The following CAMK4 variants were observed in gnomAD, a reference collection of about 807,000 sequenced individuals.
CAMK4 encodes the protein calcium/calmodulin-dependent protein kinase type IV.
In CAMK4, 22 loss-of-function variants were observed where a neutral mutation model predicts 44.9. The ratio of observed to expected loss-of-function variants is 0.49; its 90% CI spans 0.35 to 0.70. CAMK4 has a LOEUF of 0.70. Ranked by LOEUF, CAMK4 falls within the 30% of genes least tolerant of loss-of-function variation. The pLI is 0.01. For synonymous variants in CAMK4, 218 were observed against 215.4 expected, an observed-to-expected ratio of 1.01 and a Z score of -0.11; for missense variants, 498 against 586.8, an observed-to-expected ratio of 0.85 and a Z score of 1.56.
At chr5:111,267,996 C>CTGTCA (rs915484670) in intron 1 of CAMK4, among the ~76,000 whole-genome samples, 26 of 152,152 alleles carry the variant, frequency 1.7e-4, no homozygotes, top group African/African-American at 5.6e-4. Flanking sequence ...ATACTTGAGG[C>CTGTCA]TGTCAGTGTT....
At chr5:111,467,373 CAAAAAAAAAAAAAAA>C (rs34201915) in intron 7 of CAMK4, among the ~76,000 whole-genome samples, 1 of 49,506 alleles carries the variant, frequency 2.0e-5, no homozygotes, top group East Asian at 6.5e-4. Context: ...TTCTGCATAG[CAAAAAAAAAAAAAAA>C]AAAAAAAAAG....
At chr5:111,343,552 G>C (rs565146896) in intron 1 of CAMK4, among the ~76,000 whole-genome samples, 1 of 151,874 alleles carries the variant, frequency 6.6e-6, no homozygotes, top group South Asian at 2.1e-4. Context: ...ACGTTAAAAA[G>C]TAGGAGGGGT....
In CAMK4 at chr5:111,484,521, T is replaced by C; in HGVS notation, c.*55T>C. The C allele has an allele frequency of 1.6e-6, 2 of 1,283,634 alleles. No homozygotes were observed. The highest frequency in any genetic ancestry group is 5.0e-5 in the Admixed American group (2 of 39,710). The allele number at this position is 1,283,634 out of a possible 1,614,324, so 79.5% of individuals were successfully genotyped here. Reference sequence around the variant, plus strand: ...ACCGGCATTTTATGTACTTTGTCCTTCAGCAAGAAAGGTGTGGAAGCATGA... The same window carrying C: ...ACCGGCATTTTATGTACTTTGTCCTCCAGCAAGAAAGGTGTGGAAGCATGA... On this transcript the variant is annotated 3_prime_UTR_variant, in exon 11 of 11. Transcript: ENST00000282356. This position sits in a 1 kb window ranked among gnomAD's most constrained non-coding sequence, Gnocchi z 5.3.
At chr5:111,238,808 CTTTTTTTTTTTTT>C (rs57552178) in intron 1 of CAMK4, among the ~76,000 whole-genome samples, 4 of 45,892 alleles carry the variant, frequency 8.7e-5, no homozygotes, top group African/African-American at 1.8e-4. Flanking sequence ...AGAGGCTCTT[CTTTTTTTTTTTTT>C]TTTTTTTTTT....
At chr5:111,351,642 C>G (rs1203135900) in intron 2 of CAMK4, among the ~76,000 whole-genome samples, 2 of 151,390 alleles carry the variant, frequency 1.3e-5, no homozygotes, top group Non-Finnish European at 2.9e-5. Context: ...GAACTCCTGA[C>G]CTCAGGTGAT....
intron 1 of CAMK4, among the ~76,000 whole-genome samples, chr5:111,236,170 TC>T (rs761076857): frequency 9.9e-5 from 15 of 152,162 alleles, no homozygotes; most frequent in Admixed American, 3.9e-4. Context: ...TTAATATTAT[TC>T]CCCACACAGG....
chr5:111,257,602 C>T (rs187566939), intron 1 of CAMK4, among the ~76,000 whole-genome samples: 27 of 152,224 alleles, frequency 1.8e-4, no homozygotes, highest in African/African-American at 6.0e-4. Flanking sequence ...TCCTCAAAGA[C>T]CTGCAACCAG....
intron 5 of CAMK4, among the ~76,000 whole-genome samples, chr5:111,410,103 T>A (rs1752577921): frequency 6.6e-6 from 1 of 152,192 alleles, no homozygotes; most frequent in Non-Finnish European, 1.5e-5. Flanking sequence ...TGGGTATCTT[T>A]ACAGAAGTGC....
intron 2 of CAMK4, 79 bp from the exon 3 acceptor site, chr5:111,374,771 A>G (rs1476928776): frequency 1.2e-6 from 1 of 844,822 alleles, no homozygotes; most frequent in Non-Finnish European, 2.0e-6. Flanking sequence ...TCACCCAGGT[A>G]GTTATTGCTG....
intron 5 of CAMK4, among the ~76,000 whole-genome samples, 156 bp downstream of exon 5, chr5:111,394,938 G>T (rs79764205): frequency 0.034 from 5,247 of 152,196 alleles, 113 homozygotes; most frequent in South Asian, 0.066. Context: ...GGTGGGCATG[G>T]TGGCTCAAGC....
intron 5 of CAMK4, among the ~76,000 whole-genome samples, chr5:111,436,715 T>C (rs923802377): frequency 1.3e-5 from 2 of 152,220 alleles, no homozygotes; most frequent in African/African-American, 2.4e-5. Context: ...GCTAGGTACA[T>C]CACTACTTCT....
At chr5:111,435,358 A>G (rs1820666) in intron 5 of CAMK4, among the ~76,000 whole-genome samples, 41,474 of 151,866 alleles carry the variant, frequency 0.27, 5,991 homozygotes, top group Non-Finnish European at 0.32. Context: ...CATTCCAAAT[A>G]TCTACTCTTA....
chr5:111,381,008 A>G (rs531818047), intron 4 of CAMK4, among the ~76,000 whole-genome samples: 8 of 152,232 alleles, frequency 5.3e-5, no homozygotes, highest in Non-Finnish European at 8.8e-5. Flanking sequence ...CAGACCCTCA[A>G]TGTCAACTTC....
intron 1 of CAMK4, among the ~76,000 whole-genome samples, chr5:111,301,081 T>TC (rs1239143163): frequency 6.6e-6 from 1 of 152,104 alleles, no homozygotes; most frequent in East Asian, 1.9e-4. Flanking sequence ...CTTACTGGTT[T>TC]TTTTTTTTCA....
intron 1 of CAMK4, among the ~76,000 whole-genome samples, chr5:111,338,137 G>C (rs1749486163): frequency 6.6e-6 from 1 of 151,016 alleles, no homozygotes; most frequent in Non-Finnish European, 1.5e-5. Flanking sequence ...TATTTTTATA[G>C]TGTAAATATG....
rs185722971 is a variant in CAMK4, at chr5:111,376,258, T to C, written c.304-602T>C. On this transcript the variant is annotated intron_variant, in intron 3 of 10. Coordinates refer to ENST00000282356, the MANE Select transcript of CAMK4 (RefSeq NM_001744.6). ...CCTGGCTACTAGATTCTCGTATATA[T>C]GGAGAAAAATATATAAAACTGCTTG... Among the ~76,000 whole-genome samples the C allele has an allele frequency of 3.4e-4, 52 of 152,080 alleles. 1 individual carries two copies. The highest frequency in any genetic ancestry group is 6.6e-4 in the Non-Finnish European group (45 of 67,978).
chr5:111,246,296 G>A (rs1216693759), intron 1 of CAMK4, among the ~76,000 whole-genome samples: 1 of 152,104 alleles, frequency 6.6e-6, no homozygotes, highest in Non-Finnish European at 1.5e-5. Context: ...CCCCCAAGAA[G>A]GGCTTTCTGT....
intron 1 of CAMK4, among the ~76,000 whole-genome samples, chr5:111,232,638 T>C (rs1190151284): frequency 6.6e-6 from 1 of 151,972 alleles, no homozygotes; most frequent in Non-Finnish European, 1.5e-5. Context: ...AAAGTAACCA[T>C]TGTGAGAGAA....
rs1319184634 is a variant in CAMK4, at chr5:111,486,431, CTTT to C, written c.*1966_*1968del. ...TATTTTTAACCTTTAAGAATGTCTT[CTTT>C]GTTAAGCATTAAGATTTCCATTTAA... On this transcript the variant is annotated 3_prime_UTR_variant, in exon 11 of 11. Coordinates refer to ENST00000282356, the MANE Select transcript of CAMK4 (RefSeq NM_001744.6). The C allele has an allele frequency of 6.6e-6, 1 of 150,546 alleles. No homozygotes were observed. The highest frequency in any genetic ancestry group is 2.4e-5 in the African/African-American group (1 of 40,936). The allele number at this position is 150,546 out of a possible 1,614,324, so 9.3% of individuals were successfully genotyped here.
Sources: gnomAD v4.1 joint callset for allele counts (sites outside exome capture counted in the v4.1 genomes callset) on GRCh38, gnomAD v4.1.1 for gene constraint, Gnocchi (gnomAD v3.1) non-coding constraint, MANE v1.5 for transcripts, NCBI Gene and HGNC (gene_info 2026-07-23, HGNC 2026-07-21) for gene names.